The following ADGRL2 variants were observed in gnomAD, a reference collection of about 807,000 sequenced individuals.
ADGRL2 encodes adhesion G protein-coupled receptor L2, also known as calcium-independent alpha-latrotoxin receptor 2.
Under a neutral mutation model 157.4 loss-of-function variants are expected in ADGRL2, and 44 were observed. The observed-to-expected ratio is 0.28, with a 90% confidence interval of 0.22 to 0.36. The LOEUF (loss-of-function observed/expected upper bound fraction) is 0.36, where lower values mean the gene tolerates loss of function less well. ADGRL2 is among the 10% of genes least tolerant of loss of function. The pLI, the probability that ADGRL2 is intolerant of heterozygous loss-of-function variation, is 1.00. For missense variants in ADGRL2, 1,510 were observed against 1,768.9 expected (o/e 0.85, Z 2.63); for synonymous variants, 585 against 624.7 (o/e 0.94, Z 0.95).
chr1:81,940,208 C>A (rs1647367900), intron 4 of ADGRL2, among the ~76,000 whole-genome samples: 1 of 151,204 alleles, frequency 6.6e-6, no homozygotes, highest in African/African-American at 2.4e-5. Context: ...TATTTCCATC[C>A]TTTACATTTA....
chr1:81,518,797 C>CA (rs202132760), intron 2 of ADGRL2, among the ~76,000 whole-genome samples: 31,711 of 107,922 alleles, frequency 0.29, 4,205 homozygotes, highest in African/African-American at 0.45. Flanking sequence ...GACCTTGTCT[C>CA]AAAAAAAAAA....
At chr1:81,601,122 T>C (rs2081325849) in intron 3 of ADGRL2, among the ~76,000 whole-genome samples, 1 of 152,206 alleles carries the variant, frequency 6.6e-6, no homozygotes, top group Non-Finnish European at 1.5e-5. Context: ...GGATGATTTA[T>C]AAACCTCAAC....
intron 2 of ADGRL2, among the ~76,000 whole-genome samples, chr1:81,495,185 T>C (rs2078706968): frequency 6.6e-6 from 1 of 152,120 alleles, no homozygotes; most frequent in Admixed American, 6.5e-5. Context: ...ATGGCGGATG[T>C]CATTAGCATA....
intron 3 of ADGRL2, among the ~76,000 whole-genome samples, chr1:81,640,363 G>A (rs935167399): frequency 5.9e-5 from 9 of 151,960 alleles, no homozygotes; most frequent in Non-Finnish European, 1.0e-4. Context: ...GGCCGGGCGC[G>A]GTGGCTCACA....
In ADGRL2 at chr1:81,952,087, A is replaced by C; in HGVS notation, c.1739A>C (p.Gln580Pro). ...CAGTTGGTGGACATCCTTGATGCAC[A>C]GCTGCAGGAACTGAAACCTAGTGAA... ...MEQLVDILDA[Q>P]LQELKPSEKD... is the part of the protein sequence containing the mutation. The change falls in exon 9 of 24, where the codon CAG (glutamine) becomes CCG (proline). Residue 580 changes from glutamine to proline, a missense_variant. Coordinates refer to ENST00000686636, the MANE Select transcript of ADGRL2 (RefSeq NM_001366006.2). 1.9e-6 allele frequency: 3 copies of C among 1,613,516 alleles called. No homozygotes were observed. Among genetic ancestry groups the C allele is most frequent in the Non-Finnish European group, 2.5e-6 (3 of 1,179,588 alleles).
At chr1:81,661,094 G>GCTC (rs1278924793) in intron 3 of ADGRL2, among the ~76,000 whole-genome samples, 3 of 152,078 alleles carry the variant, frequency 2.0e-5, no homozygotes, top group African/African-American at 7.2e-5. Context: ...TTTTACACCA[G>GCTC]CTCCTCTTTT....
intron 1 of ADGRL2, among the ~76,000 whole-genome samples, chr1:81,314,958 A>G (rs1385624347): frequency 6.6e-6 from 1 of 152,322 alleles, no homozygotes; most frequent in South Asian, 2.1e-4. Context: ...GAAAATATAA[A>G]CAGCATTTGG....
intron 1 of ADGRL2, among the ~76,000 whole-genome samples, chr1:81,716,858 A>G (rs2084134662): frequency 6.6e-6 from 1 of 152,212 alleles, no homozygotes; most frequent in Non-Finnish European, 1.5e-5. Flanking sequence ...AAATCTGGAC[A>G]TGGGCTCAAA....
chr1:81,468,330 T>C (rs2078102736), intron 2 of ADGRL2, among the ~76,000 whole-genome samples: 1 of 152,200 alleles, frequency 6.6e-6, no homozygotes, highest in Admixed American at 6.6e-5. Context: ...GTAATTTGGT[T>C]TTAAATTCAC....
At chr1:81,716,163 T>G (rs1379303170) in intron 1 of ADGRL2, among the ~76,000 whole-genome samples, 1 of 152,190 alleles carries the variant, frequency 6.6e-6, no homozygotes, top group Non-Finnish European at 1.5e-5. Context: ...ATTTCTAGCC[T>G]TAAAGAAAGT....
At chr1:81,565,506 A>G (rs1429845188) in intron 2 of ADGRL2, among the ~76,000 whole-genome samples, 2 of 152,176 alleles carry the variant, frequency 1.3e-5, no homozygotes, top group Non-Finnish European at 2.9e-5. Context: ...TCAAAGAGGC[A>G]CTTGTGTTTT....
chr1:81,894,000 G>A (rs557118035), intron 2 of ADGRL2, among the ~76,000 whole-genome samples: 21 of 152,220 alleles, frequency 1.4e-4, no homozygotes, highest in African/African-American at 5.1e-4. Context: ...ACCTTCATAC[G>A]AATTTTGGGA....
intron 1 of ADGRL2, among the ~76,000 whole-genome samples, chr1:81,377,784 T>G (rs183099440): frequency 9.2e-6 from 1 of 108,286 alleles, no homozygotes; most frequent in Non-Finnish European, 2.0e-5. Flanking sequence ...AAAGAAAGTG[T>G]ATTACCCATC....
chr1:81,319,933 A>G (rs1257566731), intron 1 of ADGRL2, among the ~76,000 whole-genome samples: 1 of 152,120 alleles, frequency 6.6e-6, no homozygotes, highest in Non-Finnish European at 1.5e-5. Context: ...GCATTGATTG[A>G]CTTTTCCTTT....
At chr1:81,580,180 T>C (rs1176045212) in intron 2 of ADGRL2, among the ~76,000 whole-genome samples, 2 of 152,098 alleles carry the variant, frequency 1.3e-5, no homozygotes, top group African/African-American at 4.8e-5. Flanking sequence ...ATTTCCTTGG[T>C]GAATGAAGTA....
chr1:81,716,655 C>A (rs1331421138), intron 1 of ADGRL2, among the ~76,000 whole-genome samples: 4 of 152,046 alleles, frequency 2.6e-5, no homozygotes, highest in African/African-American at 9.7e-5. Context: ...TATACACCAC[C>A]ACCACCATCA....
Position 81,816,115 on chromosome 1 carries a change from C to T in ADGRL2, c.-101+15047C>T, listed in dbSNP as rs150907648. 2.6e-5 allele frequency among the ~76,000 whole-genome samples: 4 copies of T among 151,894 alleles called. No individual in the cohort carries two copies. In the East Asian group the frequency reaches 5.8e-4, roughly 22 times the overall value. On this transcript the variant is annotated intron_variant, in intron 1 of 23. Transcript: ENST00000686636. Reference sequence around the variant, plus strand: ...TGTAGATTACATACACTAATGGCCTCATTCTCCTTATTGCTTGTTAATTCT... The same window carrying T: ...TGTAGATTACATACACTAATGGCCTTATTCTCCTTATTGCTTGTTAATTCT...
At chr1:81,702,060 A>G (rs372951255) in intron 1 of ADGRL2, among the ~76,000 whole-genome samples, 3 of 152,306 alleles carry the variant, frequency 2.0e-5, no homozygotes, top group African/African-American at 7.2e-5. Context: ...TTGAGGGTTG[A>G]ATGGAAATTT....
intron 2 of ADGRL2, among the ~76,000 whole-genome samples, chr1:81,783,680 A>G (rs1043275018): frequency 6.6e-5 from 10 of 152,248 alleles, no homozygotes; most frequent in African/African-American, 1.7e-4. Flanking sequence ...TACGTAGTCA[A>G]TATAAAGCTA....
Sources: gnomAD v4.1 joint callset for allele counts (sites outside exome capture counted in the v4.1 genomes callset) on GRCh38, gnomAD v4.1.1 for gene constraint, MANE v1.5 for transcripts, NCBI Gene and HGNC (gene_info 2026-07-23, HGNC 2026-07-21) for gene names.